PMM2: variants seen among roughly 807,000 people sequenced by gnomAD.
The protein encoded by PMM2 is phosphomannomutase 2, also known as mannose-6-phosphate isomerase.
PMM2 carries 35 observed loss-of-function variants against 33.2 expected under a neutral mutation model. The observed-to-expected ratio is 1.06, with a 90% CI of 0.81 to 1.40. PMM2 has a LOEUF of 1.40. Ranked by LOEUF, PMM2 falls within the 40% of genes most tolerant of loss-of-function variation. The pLI, the probability that PMM2 is intolerant of heterozygous loss-of-function variation, is 0.00. For missense variants in PMM2, 386 were observed against 306.0 expected, an observed-to-expected ratio of 1.26 and a Z score of -1.95; for synonymous variants, 153 against 114.7, an observed-to-expected ratio of 1.33 and a Z score of -2.13.
At chr16:8,803,068 G>A (rs868747849) in intron 2 of PMM2, among the ~76,000 whole-genome samples, 2 of 151,966 alleles carry the variant, frequency 1.3e-5, no homozygotes, top group Admixed American at 6.6e-5. Flanking sequence ...ATACACACAC[G>A]CACACATACG....
rs1443611010 is a variant in PMM2 at position 8,848,868 on chromosome 16, C to A, written c.*1043C>A. 1 of 152,288 alleles carries A rather than the reference C, an allele frequency of 6.6e-6. No individual in the cohort carries two copies. Among genetic ancestry groups the A allele is most frequent in the Non-Finnish European group, 1.5e-5 (1 of 68,058 alleles). The allele number at this position is 152,288 out of a possible 1,614,324, so 9.4% of individuals were successfully genotyped here. A position where few individuals can be genotyped will look rare whatever the true frequency, so the allele number is the denominator to read the frequency against. Reference sequence around the variant, plus strand: ...TACAGCTAGGTCCGCGTCCCTCACTCTTTTCATCTTCTGCACGTTCTTCGT... The same window carrying A: ...TACAGCTAGGTCCGCGTCCCTCACTATTTTCATCTTCTGCACGTTCTTCGT... On this transcript the variant is annotated 3_prime_UTR_variant, in exon 8 of 8. Transcript: ENST00000268261.
intron 7 of PMM2, among the ~76,000 whole-genome samples, chr16:8,823,560 A>G (rs1266952339): frequency 6.6e-6 from 1 of 151,390 alleles, no homozygotes; most frequent in East Asian, 1.9e-4. Flanking sequence ...TTATTTGTAT[A>G]AAGTAAAGCA....
intron 7 of PMM2, among the ~76,000 whole-genome samples, chr16:8,826,406 C>A (rs952187286): frequency 2.0e-5 from 3 of 152,138 alleles, no homozygotes; most frequent in African/African-American, 7.2e-5. Context: ...TCTGGCCTAG[C>A]TAGGAGTCAT....
intron 7 of PMM2, among the ~76,000 whole-genome samples, chr16:8,838,697 A>G (rs1470158221): frequency 6.6e-6 from 1 of 152,038 alleles, no homozygotes; most frequent in African/African-American, 2.4e-5. Context: ...CCAAGGTCCA[A>G]ATAAAAGAAG....
intron 7 of PMM2, chr16:8,832,347 G>T: frequency 1.0e-6 from 1 of 985,458 alleles, no homozygotes; most frequent in Non-Finnish European, 1.2e-6. Flanking sequence ...CCAGGGTCGG[G>T]AGGATTTCAC....
At chr16:8,836,368 T>G (rs2060847517) in intron 7 of PMM2, among the ~76,000 whole-genome samples, 3 of 151,630 alleles carry the variant, frequency 2.0e-5, no homozygotes, top group South Asian at 4.2e-4. Context: ...GCCAGGTGAG[T>G]TGAACAGTCT....
At chr16:8,820,785 T>C (rs1322628912) in intron 7 of PMM2, among the ~76,000 whole-genome samples, 1 of 152,202 alleles carries the variant, frequency 6.6e-6, no homozygotes, top group Non-Finnish European at 1.5e-5. Flanking sequence ...CAGCGTCTGC[T>C]TCCTTCACTT....
intron 7 of PMM2, among the ~76,000 whole-genome samples, chr16:8,839,696 G>T (rs1432579361): frequency 6.6e-6 from 1 of 151,872 alleles, no homozygotes; most frequent in Non-Finnish European, 1.5e-5. Context: ...TATGGAGCTG[G>T]AAGGCTCCCA....
intron 7 of PMM2, among the ~76,000 whole-genome samples, chr16:8,838,197 C>G (rs56327172): frequency 0.38 from 57,317 of 151,730 alleles, 11,602 homozygotes; most frequent in Non-Finnish European, 0.45. Flanking sequence ...GGGAGAATTA[C>G]AAAGAACCTT....
At chr16:8,847,476 G>A (rs943623044) in intron 7 of PMM2, among the ~76,000 whole-genome samples, 1 of 151,776 alleles carries the variant, frequency 6.6e-6, no homozygotes, top group African/African-American at 2.4e-5. Context: ...CAAGAACATC[G>A]TGATGGCTCT....
intron 2 of PMM2, among the ~76,000 whole-genome samples, chr16:8,804,023 T>G (rs974374461): frequency 6.0e-4 from 17 of 28,296 alleles, no homozygotes; most frequent in African/African-American, 1.8e-3. Flanking sequence ...GTTTTTTGGG[T>G]TTTTTTTGTT....
At chr16:8,832,443 A>G (rs1230895316) in intron 7 of PMM2, 4 of 985,168 alleles carry the variant, frequency 4.1e-6, no homozygotes, top group Non-Finnish European at 4.8e-6. Flanking sequence ...GATTCCACAG[A>G]CACCTCCCCA....
intron 2 of PMM2, 88 bp from the exon 3 acceptor site, chr16:8,804,679 G>T (rs1390829166): frequency 1.2e-6 from 1 of 868,038 alleles, no homozygotes. Context: ...GAGTTTAGCG[G>T]TTTTATTGGT....
At chr16:8,814,403 C>G (rs2060694659) in intron 7 of PMM2, among the ~76,000 whole-genome samples, 1 of 152,210 alleles carries the variant, frequency 6.6e-6, no homozygotes, top group Non-Finnish European at 1.5e-5. Flanking sequence ...CATCCTGCAC[C>G]TAGCAGGTGC....
chr16:8,817,156 C>G (rs953602158), intron 7 of PMM2, among the ~76,000 whole-genome samples: 25 of 152,176 alleles, frequency 1.6e-4, no homozygotes, highest in African/African-American at 4.8e-4. Flanking sequence ...AGATCTTGTT[C>G]TAAATCCCAG....
intron 7 of PMM2, among the ~76,000 whole-genome samples, chr16:8,813,309 A>G (rs1333098473): frequency 6.6e-6 from 1 of 152,192 alleles, no homozygotes; most frequent in Non-Finnish European, 1.5e-5. Flanking sequence ...GGAGGCAAGG[A>G]TCACACTGCA....
intron 7 of PMM2, among the ~76,000 whole-genome samples, chr16:8,827,795 T>TATAATATATA (rs1263719816): frequency 6.6e-3 from 387 of 58,476 alleles, no homozygotes; most frequent in East Asian, 0.012. Flanking sequence ...TATATATATT[T>TATAATATATA]ATACATATTT....
At chr16:8,828,544 G>A (rs61088097) in intron 7 of PMM2, among the ~76,000 whole-genome samples, 1 of 152,114 alleles carries the variant, frequency 6.6e-6, no homozygotes, top group East Asian at 1.9e-4. Flanking sequence ...TCTCAGACCA[G>A]CTACCGACAT....
intron 7 of PMM2, among the ~76,000 whole-genome samples, chr16:8,836,795 G>A (rs1475800970): frequency 1.3e-5 from 2 of 152,032 alleles, no homozygotes; most frequent in African/African-American, 2.4e-5. Flanking sequence ...GCTGCCAAAC[G>A]AGCCATGAAC....
Sources: allele counts gnomAD v4.1 joint callset (sites outside exome capture counted in the v4.1 genomes callset), GRCh38; gene constraint gnomAD v4.1.1; transcripts MANE v1.5; gene names NCBI Gene and HGNC (gene_info 2026-07-23, HGNC 2026-07-21).